Variants in GSDME observed in about 807,000 individuals in gnomAD.
GSDME encodes the protein gasdermin-E.
A neutral mutation model predicts 47.5 loss-of-function variants in GSDME; 44 were observed. The observed-to-expected ratio is 0.93, with a 90% CI of 0.73 to 1.19. The LOEUF (loss-of-function observed/expected upper bound fraction) is 1.19. GSDME is among the 50% of genes most tolerant of loss of function. GSDME has a pLI of 0.00. For missense variants in GSDME, 663 were observed against 604.2 expected (o/e 1.10, Z -1.02); for synonymous variants, 258 against 252.8 (o/e 1.02, Z -0.20).
chr7:24,719,196 C>A lies in GSDME; in HGVS notation c.427G>T (p.Val143Leu). ...AERTINLRNP[V>L]LQQVLEGRNE... The stretch of plus-strand genomic sequence containing the variant: ...CTTCCTTCCAGCACCTGCTGGAGCA[C>A]AGGGTTTCTCAGATTTATTGTTCTG... Residue 143 changes from valine to leucine, a missense_variant, in exon 4 of 10, where the codon GTG becomes TTG. By Grantham distance (32) the Val-to-Leu change is conservative. Transcript: ENST00000645220. 6.2e-7 allele frequency: 1 copy of A among 1,612,798 alleles called. No individual in the cohort carries two copies.
At chr7:24,702,332 C>A (rs1326060213) in intron 9 of GSDME, 2 of 315,432 alleles carry the variant, frequency 6.3e-6, no homozygotes, top group East Asian at 8.1e-5. Flanking sequence ...AGCTATGTCT[C>A]CCTGGGACAG....
chr7:24,720,507 C>T (rs1789737924), intron 3 of GSDME, among the ~76,000 whole-genome samples: 1 of 152,196 alleles, frequency 6.6e-6, no homozygotes. Context: ...AGGAAAGTCC[C>T]ATCTCAATGT....
chr7:24,749,563 C>A lies in GSDME; in HGVS notation c.211+1G>T. 8 of 1,608,440 alleles carry A rather than the reference C, an allele frequency of 5.0e-6. No homozygotes were observed. Among genetic ancestry groups the A allele is most frequent in the Non-Finnish European group, 6.8e-6 (8 of 1,176,352 alleles). On this transcript the variant is annotated splice_donor_variant, in intron 2 of 9. Coordinates refer to ENST00000645220, the MANE Select transcript of GSDME (RefSeq NM_001127453.2). LOFTEE classifies it high-confidence loss of function. ...TATAGAATATACCCAAGGAAACATA[C>A]CTGGACTCGGAAATTGGTCTTCTAT... is the stretch of plus-strand genomic sequence containing the variant.
At chr7:24,794,164 C>T in the GSDME span, among the ~76,000 whole-genome samples, 1 of 150,072 alleles carries the variant, frequency 6.7e-6, no homozygotes, top group Non-Finnish European at 1.5e-5. Flanking sequence ...TCTTTGACTT[C>T]CTTCTGTCTC....
Position 24,745,930 on chromosome 7 carries a change from C to A in GSDME, c.212-1176G>T, listed in dbSNP as rs1790653418. Among the ~76,000 whole-genome samples the A allele has an allele frequency of 6.6e-6, 1 of 152,214 alleles. No homozygotes were observed. Among genetic ancestry groups the A allele is most frequent in the African/African-American group, 2.4e-5 (1 of 41,456 alleles). On this transcript the variant is annotated intron_variant, in intron 2 of 9. Transcript: ENST00000645220. The surrounding 1 kb of genome is among the most constrained non-coding windows in gnomAD (Gnocchi z 4.4). Reference sequence around the variant, plus strand: ...TTGGTAAGGAGACATTAAGAGTCCACTAGGAACCTCACACTTGGCCTTTTC... The same window carrying A: ...TTGGTAAGGAGACATTAAGAGTCCAATAGGAACCTCACACTTGGCCTTTTC...
At chr7:24,743,945 T>G (rs372592949) in intron 3 of GSDME, 2 of 155,890 alleles carry the variant, frequency 1.3e-5, no homozygotes, top group Admixed American at 6.3e-5. Flanking sequence ...CATTTGGGCA[T>G]TTTGCTCTCT....
intron 8 of GSDME, chr7:24,703,283 A>C: frequency 3.2e-6 from 1 of 308,288 alleles, no homozygotes; most frequent in Non-Finnish European, 6.3e-6. Context: ...TACTGTGTAA[A>C]CTATAAAGGG....
rs1204099356 is a variant in GSDME at position 24,728,644 on chromosome 7, TCC to T, written c.405-9428_405-9427del. Among the ~76,000 whole-genome samples the T allele has an allele frequency of 6.6e-6, 1 of 152,128 alleles. No homozygotes were observed. Among genetic ancestry groups the T allele is most frequent in the Non-Finnish European group, 1.5e-5 (1 of 68,014 alleles). ...AAGAACTGGCAGTCTTTCTGCTCCA[TCC>T]CATGAGAGCTTCCCAGAGTCAGGAA... On this transcript the variant is annotated intron_variant, in intron 3 of 9. Transcript: ENST00000645220. The surrounding 1 kb of genome is among the most constrained non-coding windows in gnomAD (Gnocchi z 7.2).
chr7:24,765,198 C>A, the GSDME span, among the ~76,000 whole-genome samples: 1 of 152,296 alleles, frequency 6.6e-6, no homozygotes, highest in Non-Finnish European at 1.5e-5. Flanking sequence ...TAGAAATAGA[C>A]TTGAGGTATA....
At chr7:24,740,107 G>T (rs544724108) in intron 3 of GSDME, among the ~76,000 whole-genome samples, 1 of 150,222 alleles carries the variant, frequency 6.7e-6, no homozygotes, top group Non-Finnish European at 1.5e-5. Context: ...AAAAAAAAAG[G>T]ATAAGATCCT....
Position 24,724,174 on chromosome 7 carries a change from CAA to C in GSDME, c.405-4958_405-4957del, listed in dbSNP as rs141820646. ...ACCATGTGAATAGATTGCCCAGTTC[CAA>C]AAAAAAAAAAAAGTATTTTAAAAAA... On this transcript the variant is annotated intron_variant, in intron 3 of 9. Transcript: ENST00000645220. The surrounding 1 kb of genome is among the most constrained non-coding windows in gnomAD (Gnocchi z 4.8). Among the ~76,000 whole-genome samples, 2,123 of 139,096 alleles carry C rather than the reference CAA, an allele frequency of 0.015. 61 individuals are homozygous for C. The highest frequency in any genetic ancestry group is 0.053 in the African/African-American group (2,021 of 37,814). 91.3% of individuals were successfully genotyped at this position (139,096 alleles called of 152,430 possible).
At chr7:24,749,815 A>G (rs1224203665) in intron 1 of GSDME, 22 bp from the exon 2 acceptor site, 1 of 1,509,996 alleles carries the variant, frequency 6.6e-7, no homozygotes, top group Non-Finnish European at 9.2e-7. Context: ...AAGTTATCCT[A>G]AAATCAAATA....
the GSDME span, among the ~76,000 whole-genome samples, chr7:24,778,079 G>A: frequency 6.8e-6 from 1 of 146,052 alleles, no homozygotes; most frequent in African/African-American, 2.6e-5. This position sits in a 1 kb window ranked among gnomAD's most constrained non-coding sequence, Gnocchi z 5.6. Flanking sequence ...AGAAAATGGT[G>A]GGGGAGGGAG....
rs1052606452 is a variant in GSDME at position 24,735,804 on chromosome 7, T to C, written c.404+8758A>G. Among the ~76,000 whole-genome samples the C allele has an allele frequency of 7.6e-6, 1 of 130,978 alleles. No individual in the cohort carries two copies. Among genetic ancestry groups the C allele is most frequent in the Non-Finnish European group, 1.7e-5 (1 of 59,698 alleles). The allele number at this position is 130,978 out of a possible 152,430, so 85.9% of individuals were successfully genotyped here. A position where few individuals can be genotyped will look rare whatever the true frequency, so the allele number is the denominator to read the frequency against. On this transcript the variant is annotated intron_variant, in intron 3 of 9. Coordinates refer to ENST00000645220, the MANE Select transcript of GSDME (RefSeq NM_001127453.2). The surrounding 1 kb of genome is among the most constrained non-coding windows in gnomAD (Gnocchi z 4.4). ...ATAAATAAATAAATAAATAAATAAA[T>C]AAAACTACAAAAACTTTTCAAGACA...
In GSDME at chr7:24,699,215, TG is replaced by T; in HGVS notation, c.1301del (p.Pro434GlnfsTer3). ...CTGTATCTTTCAGGGGAGTCAAGGT[TG>T]GGTCTTCAAGATCAGATACTCCATC... Reference protein sequence around the residue: ...SDDGVSDLEDPTLTPLKDTER... With the variant: ...SDDGVSDLEDXTLTPLKDTER... On this transcript the variant is annotated frameshift_variant, in exon 10 of 10. Transcript: ENST00000645220. LOFTEE classifies it low-confidence loss of function (END_TRUNC). 1 of 1,614,198 alleles carries T rather than the reference TG, an allele frequency of 6.2e-7. No individual in the cohort carries two copies. Among genetic ancestry groups the T allele is most frequent in the Non-Finnish European group, 8.5e-7 (1 of 1,180,028 alleles).
At chr7:24,709,130 TAC>T (rs1370164025) in intron 6 of GSDME, among the ~76,000 whole-genome samples, 1 of 152,180 alleles carries the variant, frequency 6.6e-6, no homozygotes. Flanking sequence ...AACTCTGCTA[TAC>T]ACACAACTGT....
At chr7:24,774,976 C>G in the GSDME span, among the ~76,000 whole-genome samples, 1 of 152,314 alleles carries the variant, frequency 6.6e-6, no homozygotes, top group East Asian at 1.9e-4. Flanking sequence ...GGAAGCAAAA[C>G]AAGCAACTAA....
rs1032631090 is a variant in GSDME, at chr7:24,742,752, G to A, written c.404+1810C>T. Reference sequence around the variant, plus strand: ...AGAGAAGACGCTCTGGACACCCCCCGCCTCCCTTTTCCCCTTCCCCAGTGC... The same window carrying A: ...AGAGAAGACGCTCTGGACACCCCCCACCTCCCTTTTCCCCTTCCCCAGTGC... On this transcript the variant is annotated intron_variant, in intron 3 of 9. Coordinates refer to ENST00000645220, the MANE Select transcript of GSDME (RefSeq NM_001127453.2). The surrounding 1 kb of genome is among the most constrained non-coding windows in gnomAD (Gnocchi z 4.4). Among the ~76,000 whole-genome samples the A allele has an allele frequency of 7.2e-5, 11 of 152,074 alleles. No individual in the cohort carries two copies. Among genetic ancestry groups the A allele is most frequent in the Admixed American group, 4.6e-4 (7 of 15,260 alleles).
At chr7:24,782,351 A>G in the GSDME span, among the ~76,000 whole-genome samples, 6 of 152,094 alleles carry the variant, frequency 3.9e-5, no homozygotes, top group East Asian at 1.2e-3. Flanking sequence ...TTTGCTCAGA[A>G]TGATGGTTTC....
Sources: allele counts gnomAD v4.1 joint callset (sites outside exome capture counted in the v4.1 genomes callset), GRCh38; gene constraint gnomAD v4.1.1; non-coding constraint Gnocchi (gnomAD v3.1); transcripts MANE v1.5; gene names NCBI Gene and HGNC (gene_info 2026-07-23, HGNC 2026-07-21).